The following SH3BP5 variants were observed in gnomAD, a reference collection of about 807,000 sequenced individuals.
SH3BP5 encodes SH3 domain-binding protein 5.
A neutral mutation model predicts 43.3 loss-of-function variants in SH3BP5; 22 were observed. That is an observed-to-expected ratio of 0.51 (90% CI 0.36 to 0.73). SH3BP5 has a LOEUF of 0.73. Ranked by LOEUF, SH3BP5 falls within the 30% of genes least tolerant of loss-of-function variation. The pLI is 0.00. For missense variants in SH3BP5, 529 were observed against 586.9 expected (o/e 0.90, Z 1.02); for synonymous variants, 255 against 225.8 (o/e 1.13, Z -1.16).
At chr3:15,312,365 T>C (rs1698081035) in intron 2 of SH3BP5, among the ~76,000 whole-genome samples, 1 of 152,256 alleles carries the variant, frequency 6.6e-6, no homozygotes, top group Non-Finnish European at 1.5e-5. Context: ...ATAGGCTGAT[T>C]GTCATCTTAA....
At chr3:15,261,846 G>C (rs765185929) in intron 5 of SH3BP5, among the ~76,000 whole-genome samples, 5 of 152,208 alleles carry the variant, frequency 3.3e-5, no homozygotes, top group African/African-American at 1.2e-4. Flanking sequence ...GTCAACCACA[G>C]ATCCCAGAGT....
intron 5 of SH3BP5, among the ~76,000 whole-genome samples, chr3:15,261,017 A>G (rs1322883622): frequency 6.6e-6 from 1 of 152,212 alleles, no homozygotes; most frequent in African/African-American, 2.4e-5. Flanking sequence ...AGCAGCATCA[A>G]AGGCTGCTCC....
intron 2 of SH3BP5, among the ~76,000 whole-genome samples, chr3:15,315,954 TA>T (rs1698174071): frequency 6.6e-6 from 1 of 152,196 alleles, no homozygotes; most frequent in African/African-American, 2.4e-5. Flanking sequence ...CAGAGTATAA[TA>T]ATCAAAGTCA....
chr3:15,332,613 G>T (rs1698645767), upstream of SH3BP5: 1 of 1,187,380 alleles, frequency 8.4e-7, no homozygotes, highest in East Asian at 3.8e-5. Context: ...CCCCCTTTCT[G>T]CCGCGGCAGT....
In SH3BP5 at chr3:15,256,840, G is replaced by A. The variant is rs377474188; in HGVS notation, c.1150+13C>T. 1 of 1,598,858 alleles carries A rather than the reference G, an allele frequency of 6.3e-7. No individual in the cohort carries two copies. The highest frequency in any genetic ancestry group is 1.7e-5 in the Admixed American group (1 of 59,566). On this transcript the variant is annotated intron_variant, in intron 8 of 8. Coordinates refer to ENST00000383791, the MANE Select transcript of SH3BP5 (RefSeq NM_004844.5). The stretch of plus-strand genomic sequence containing the variant: ...TGTGGCATCTGGGACGGGGTGAGAA[G>A]GCTGCTACTCACCTCGTTCTACTTC...
In SH3BP5 at chr3:15,329,977, T is replaced by C. The variant is rs139825465; in HGVS notation, c.201+527A>G. On this transcript the variant is annotated intron_variant, in intron 2 of 8. Transcript: ENST00000383791. ...AGGCCTTCCCAGTCTAAACAGCTTTTTGTTACCATTATAATTATATTCTAT... is the reference window on the plus strand; with the variant it reads ...AGGCCTTCCCAGTCTAAACAGCTTTCTGTTACCATTATAATTATATTCTAT... 4.6e-3 allele frequency among the ~76,000 whole-genome samples: 708 copies of C among 152,338 alleles called. 4 individuals carry two copies. The highest frequency in any genetic ancestry group is 0.019 in the South Asian group (91 of 4,822).
intron 3 of SH3BP5, chr3:15,271,735 T>C (rs1696804276): frequency 1.3e-5 from 2 of 152,236 alleles, no homozygotes; most frequent in Non-Finnish European, 2.9e-5. Flanking sequence ...CCTTTTTTAC[T>C]GTGACCACAG....
intron 3 of SH3BP5, among the ~76,000 whole-genome samples, chr3:15,295,510 T>C (rs1036651568): frequency 1.9e-4 from 29 of 152,228 alleles, no homozygotes; most frequent in South Asian, 6.2e-4. Context: ...CCTCCAAGTA[T>C]AGCAATTAAG....
At chr3:15,260,191 G>C (rs1024006905) in intron 5 of SH3BP5, 2 of 238,438 alleles carry the variant, frequency 8.4e-6, no homozygotes, top group African/African-American at 4.7e-5. Context: ...CCCCAGGGAT[G>C]AAGAGCAGCT....
chr3:15,304,317 C>T (rs1325599151), intron 2 of SH3BP5, 86 bp from the exon 3 acceptor site: 1 of 1,603,178 alleles, frequency 6.2e-7, no homozygotes, highest in African/African-American at 1.3e-5. Context: ...GAAACATCAA[C>T]AAAGGACTTT....
At chr3:15,269,910 A>G (rs753754070) in intron 3 of SH3BP5, 33 bp from the exon 4 acceptor site, 15 of 1,488,714 alleles carry the variant, frequency 1.0e-5, no homozygotes, top group Admixed American at 2.4e-5. Flanking sequence ...GAGGCCTCAG[A>G]AAATGGCAGG....
At chr3:15,309,290 G>C (rs1450581307) in intron 2 of SH3BP5, among the ~76,000 whole-genome samples, 1 of 152,150 alleles carries the variant, frequency 6.6e-6, no homozygotes, top group African/African-American at 2.4e-5. Context: ...AGGGCTTTTT[G>C]TTTGATTTTG....
Position 15,328,584 on chromosome 3 carries a change from T to C in SH3BP5, c.201+1920A>G, listed in dbSNP as rs1029123533. Among the ~76,000 whole-genome samples, 6 of 152,020 alleles carry C rather than the reference T, an allele frequency of 3.9e-5. No individual in the cohort carries two copies. The East Asian group carries it at 9.6e-4, about 24-fold the overall frequency. ...ATCTTTACAAAAAAGCTTAAAGATA[T>C]GAAAAATTAGCCAGGTATGGTGGCA... On this transcript the variant is annotated intron_variant, in intron 2 of 8. Transcript: ENST00000383791.
At chr3:15,320,533 AG>A (rs1012216193) in intron 2 of SH3BP5, among the ~76,000 whole-genome samples, 4 of 150,824 alleles carry the variant, frequency 2.7e-5, no homozygotes, top group African/African-American at 9.7e-5. Context: ...CTCAAAGAGA[AG>A]GGCTGGGCAA....
At chr3:15,330,239 T>A (rs1171526264) in intron 2 of SH3BP5, among the ~76,000 whole-genome samples, 1 of 152,258 alleles carries the variant, frequency 6.6e-6, no homozygotes, top group Admixed American at 6.5e-5. Context: ...ACTTGGGGCT[T>A]AAGCGTTGTG....
Position 15,257,109 on chromosome 3 carries a change from G to A in SH3BP5, c.894C>T (p.Ala298=), listed in dbSNP as rs903161610. 1 of 1,613,624 alleles carries A rather than the reference G, an allele frequency of 6.2e-7. No individual in the cohort carries two copies. Among genetic ancestry groups the A allele is most frequent in the Non-Finnish European group, 8.5e-7 (1 of 1,179,634 alleles). The change falls in exon 8 of 9, where the codon GCC becomes GCT. Residue 298 remains alanine (A), a synonymous_variant. Transcript: ENST00000383791. The part of the protein sequence containing the change: ...SKPEPDAISV[A]SEAFEDDSCS... The stretch of plus-strand genomic sequence containing the variant: ...AGCTGTCATCTTCAAAGGCCTCCGA[G>A]GCCACTAAGTTGAGAGAGAACACCA...
intron 2 of SH3BP5, among the ~76,000 whole-genome samples, chr3:15,314,405 C>G (rs1326619818): frequency 6.6e-6 from 1 of 152,104 alleles, no homozygotes; most frequent in Non-Finnish European, 1.5e-5. Context: ...GTCCCAGCTC[C>G]TGCTGGGAGG....
chr3:15,309,965 T>C (rs1322600639), intron 2 of SH3BP5, among the ~76,000 whole-genome samples: 1 of 137,632 alleles, frequency 7.3e-6, no homozygotes, highest in African/African-American at 2.7e-5. Context: ...GGATCACAGC[T>C]ACTTGGGTAA....
intron 3 of SH3BP5, among the ~76,000 whole-genome samples, chr3:15,278,570 C>T (rs1697035262): frequency 6.6e-6 from 1 of 152,204 alleles, no homozygotes; most frequent in Non-Finnish European, 1.5e-5. Context: ...CACCGTTTCA[C>T]CCCTGAGGAT....
Sources: allele counts gnomAD v4.1 joint callset (sites outside exome capture counted in the v4.1 genomes callset), GRCh38; gene constraint gnomAD v4.1.1; transcripts MANE v1.5; gene names NCBI Gene and HGNC (gene_info 2026-07-23, HGNC 2026-07-21).